The following UBA3 variants were observed in gnomAD, a reference collection of about 807,000 sequenced individuals.
UBA3 encodes the protein ubiquitin like modifier activating enzyme 3.
In UBA3, 26 loss-of-function variants were observed where a neutral mutation model predicts 73.5. The ratio of observed to expected loss-of-function variants is 0.35; its 90% CI spans 0.26 to 0.49. The LOEUF is 0.49. UBA3 is among the 20% of genes least tolerant of loss of function. The pLI is 0.98. For missense variants in UBA3, 495 were observed against 555.6 expected (o/e 0.89, Z 1.10); for synonymous variants, 217 against 191.2 (o/e 1.13, Z -1.11).
chr3:69,055,988 C>A lies in UBA3; in HGVS notation c.1248+12G>T. Reference sequence around the variant, plus strand: ...AATTTTCTGAAAAAAATTTAAAATACACATTGATAACCTGTAAGTAAAGTG... The same window carrying A: ...AATTTTCTGAAAAAAATTTAAAATAAACATTGATAACCTGTAAGTAAAGTG... On this transcript the variant is annotated intron_variant, in intron 16 of 17. Coordinates refer to ENST00000361055, the MANE Select transcript of UBA3 (RefSeq NM_003968.4). 6.2e-7 allele frequency: 1 copy of A among 1,601,534 alleles called. No homozygotes were observed. The highest frequency in any genetic ancestry group is 8.5e-7 in the Non-Finnish European group (1 of 1,175,420).
At chr3:69,058,092 G>A (rs1032458156) in intron 11 of UBA3, among the ~76,000 whole-genome samples, 1 of 151,738 alleles carries the variant, frequency 6.6e-6, no homozygotes, top group Non-Finnish European at 1.5e-5. Context: ...CACCACGCCT[G>A]GCTAATTTTT....
At chr3:69,072,037 A>G (rs1173982419) in intron 4 of UBA3, among the ~76,000 whole-genome samples, 1 of 152,200 alleles carries the variant, frequency 6.6e-6, no homozygotes, top group Non-Finnish European at 1.5e-5. Flanking sequence ...GCATGCCACA[A>G]TTCAGAAATG....
chr3:69,055,157 C>T lies in UBA3; in HGVS notation c.*280G>A, dbSNP rs1481720152. On this transcript the variant is annotated 3_prime_UTR_variant, in exon 18 of 18. Transcript: ENST00000361055. ...TTTGACCATAATAACAAAATTCACA[C>T]AAAAGAGGTTGTATGCTTCCTCCTC... 4.4e-6 allele frequency: 1 copy of T among 227,588 alleles called. No individual in the cohort carries two copies. Among genetic ancestry groups the T allele is most frequent in the South Asian group, 1.7e-4 (1 of 6,028 alleles). The allele number at this position is 227,588 out of a possible 1,614,324, so 14.1% of individuals were successfully genotyped here.
chr3:69,063,766 G>T (rs570990490), intron 7 of UBA3, among the ~76,000 whole-genome samples: 1 of 151,562 alleles, frequency 6.6e-6, no homozygotes, highest in African/African-American at 2.4e-5. Context: ...AAAACAATTT[G>T]CACGTTCTAA....
intron 14 of UBA3, 120 bp downstream of exon 14, chr3:69,056,492 T>C (rs2091975046): frequency 2.2e-6 from 2 of 907,314 alleles, no homozygotes; most frequent in South Asian, 1.8e-5. Context: ...GCAAAAGATA[T>C]ATAATAAGTA....
intron 11 of UBA3, among the ~76,000 whole-genome samples, chr3:69,061,001 T>C (rs1455228807): frequency 2.0e-5 from 3 of 152,316 alleles, no homozygotes; most frequent in East Asian, 3.9e-4. Context: ...CCTGAATAAA[T>C]TACCCAGTTT....
At chr3:69,063,606 A>G in intron 7 of UBA3, 103 bp from the exon 8 acceptor site, 1 of 959,104 alleles carries the variant, frequency 1.0e-6, no homozygotes, top group Non-Finnish European at 1.5e-6. Flanking sequence ...ACTCTGGTGC[A>G]AGATGTTGAT....
At chr3:69,055,970 TG>T in intron 16 of UBA3, 29 bp downstream of exon 16, 1 of 1,597,524 alleles carries the variant, frequency 6.3e-7, no homozygotes, top group Non-Finnish European at 8.5e-7. Flanking sequence ...TATAATTTTC[TG>T]AAAAAAATTT....
Position 69,055,208 on chromosome 3 carries a change from A to G in UBA3, c.*229T>C. 1 of 315,502 alleles carries G rather than the reference A, an allele frequency of 3.2e-6. No individual in the cohort carries two copies. The highest frequency in any genetic ancestry group is 5.8e-6 in the Non-Finnish European group (1 of 172,324). 19.5% of individuals were successfully genotyped at this position (315,502 alleles called of 1,614,324 possible). On this transcript the variant is annotated 3_prime_UTR_variant, in exon 18 of 18. Transcript: ENST00000361055. ...TAAAAGAAGCAATACATTTGCTCAT[A>G]ATCTCTCTCTCCAGGTATCATTTCT...
At position 69,063,132 on chromosome 3, in the gene UBA3, A is replaced by T; in HGVS notation, c.543T>A (p.Ser181=). Residue 181 remains serine (S), a synonymous_variant, in exon 9 of 18, where the codon TCT becomes TCA. Transcript: ENST00000361055. ...ARRWINGMLI[S]LLNYEDGVLD... is the part of the protein sequence containing the mutation. ...AGACACCATCTTCATAATTTAGAAG[A>T]GATATCTAGGAAAACAATTTGAAGG... is the stretch of plus-strand genomic sequence containing the variant. 1 of 1,613,590 alleles carries T rather than the reference A, an allele frequency of 6.2e-7. No homozygotes were observed. The highest frequency in any genetic ancestry group is 8.5e-7 in the Non-Finnish European group (1 of 1,179,822).
intron 11 of UBA3, among the ~76,000 whole-genome samples, chr3:69,060,412 T>C (rs1057214351): frequency 6.6e-6 from 1 of 152,192 alleles, no homozygotes; most frequent in African/African-American, 2.4e-5. Flanking sequence ...ATCCAAAGTA[T>C]AGCATCAATG....
intron 10 of UBA3, 47 bp from the exon 11 acceptor site, chr3:69,061,974 T>C (rs759439222): frequency 1.2e-5 from 17 of 1,439,448 alleles, no homozygotes; most frequent in Admixed American, 2.0e-5. Context: ...AAGACAGGAA[T>C]ACGTAATCAC....
rs17005291 is a variant in UBA3, at chr3:69,064,440, A to C, written c.429-329T>G. On this transcript the variant is annotated intron_variant, in intron 6 of 17. Transcript: ENST00000361055. Reference sequence around the variant, plus strand: ...CCAGGAAAGCAGAATGTGTGTCCTCAATCATCAGCATCAAGAAGAGATGCA... The same window carrying C: ...CCAGGAAAGCAGAATGTGTGTCCTCCATCATCAGCATCAAGAAGAGATGCA... 9.1e-3 allele frequency among the ~76,000 whole-genome samples: 1,382 copies of C among 152,334 alleles called. 10 individuals carry two copies. Among genetic ancestry groups the C allele is most frequent in the Middle Eastern group, 0.054 (16 of 294 alleles).
intron 3 of UBA3, among the ~76,000 whole-genome samples, chr3:69,075,887 A>G (rs1341068262): frequency 6.6e-6 from 1 of 151,928 alleles, no homozygotes; most frequent in African/African-American, 2.4e-5. Flanking sequence ...GTGCACTACC[A>G]CACCTGGCTA....
At chr3:69,078,164 T>C (rs1468218873) in intron 2 of UBA3, among the ~76,000 whole-genome samples, 3 of 152,254 alleles carry the variant, frequency 2.0e-5, no homozygotes, top group African/African-American at 4.8e-5. Context: ...TCAGTCTACA[T>C]GTTTTTGGTT....
intron 9 of UBA3, among the ~76,000 whole-genome samples, 197 bp downstream of exon 9, chr3:69,062,785 T>C (rs982172683): frequency 1.3e-5 from 2 of 152,176 alleles, no homozygotes; most frequent in African/African-American, 4.8e-5. Flanking sequence ...GAAAGCAGAA[T>C]AGTATCAAAA....
At chr3:69,066,797 T>C (rs2092075631) in intron 6 of UBA3, among the ~76,000 whole-genome samples, 2 of 152,226 alleles carry the variant, frequency 1.3e-5, no homozygotes, top group South Asian at 4.1e-4. Flanking sequence ...TAGGTCAAAA[T>C]TCATCTTTTA....
intron 5 of UBA3, among the ~76,000 whole-genome samples, chr3:69,070,888 T>G (rs2092117260): frequency 6.6e-6 from 1 of 152,090 alleles, no homozygotes; most frequent in South Asian, 2.1e-4. Flanking sequence ...TCAAGCAATC[T>G]TCTCACCTCA....
chr3:69,063,979 A>G (rs976484943), intron 7 of UBA3, 89 bp downstream of exon 7: 2 of 1,107,938 alleles, frequency 1.8e-6, no homozygotes, highest in Admixed American at 2.3e-5. Context: ...GTGAAGAAAT[A>G]GCCTTGAAAT....
Sources: gnomAD v4.1 joint callset for allele counts (sites outside exome capture counted in the v4.1 genomes callset) on GRCh38, gnomAD v4.1.1 for gene constraint, MANE v1.5 for transcripts, NCBI Gene and HGNC (gene_info 2026-07-23, HGNC 2026-07-21) for gene names.